LAMA2: variants seen among roughly 807,000 people sequenced by gnomAD.
The protein encoded by LAMA2 is laminin subunit alpha-2.
Under a neutral mutation model 364.8 loss-of-function variants are expected in LAMA2, and 269 were observed. That is an observed-to-expected ratio of 0.74 (90% CI 0.67 to 0.82). LAMA2 has a LOEUF of 0.82. LAMA2 is among the 40% of genes least tolerant of loss of function. The pLI, the probability that LAMA2 is intolerant of heterozygous loss-of-function variation, is 0.00. For missense variants in LAMA2, 3,807 were observed against 3,873.2 expected (o/e 0.98, Z 0.45); for synonymous variants, 1,379 against 1,370.6 (o/e 1.01, Z -0.14).
At chr6:129,271,757 G>A (rs893186776) in intron 17 of LAMA2, among the ~76,000 whole-genome samples, 2 of 152,020 alleles carry the variant, frequency 1.3e-5, no homozygotes, top group African/African-American at 4.8e-5. Context: ...GCTATCTCTA[G>A]GCACTGTGAC....
Position 129,402,336 on chromosome 6 carries a change from A to G in LAMA2, c.5575A>G (p.Ile1859Val). ...INSIIDYVED[I>V]QTKLPPMSEE... Reference sequence around the variant, plus strand: ...CTCTACATATCAGTATGTTGAAGACATCCAAACTAAATTGCCACCTATGTC... The same window carrying G: ...CTCTACATATCAGTATGTTGAAGACGTCCAAACTAAATTGCCACCTATGTC... The change falls in exon 39 of 65, where the codon ATC becomes GTC. Residue 1859 changes from isoleucine (I) to valine (V), a missense_variant. This residue lies in a region of LAMA2 where 3,333 missense variants were observed against 3,345.7 expected (regional missense o/e 1.00). Transcript: ENST00000421865. 11 of 1,613,812 alleles carry G rather than the reference A, an allele frequency of 6.8e-6. No individual in the cohort carries two copies. Among genetic ancestry groups the G allele is most frequent in the Non-Finnish European group, 8.5e-6 (10 of 1,179,802 alleles).
At chr6:129,054,632 A>G (rs1788338803) in intron 2 of LAMA2, among the ~76,000 whole-genome samples, 1 of 150,104 alleles carries the variant, frequency 6.7e-6, no homozygotes, top group Non-Finnish European at 1.5e-5. Context: ...ATACTTATGT[A>G]TTTATTAAAT....
At chr6:129,471,090 T>A (rs1783789209) in intron 51 of LAMA2, among the ~76,000 whole-genome samples, 1 of 151,930 alleles carries the variant, frequency 6.6e-6, no homozygotes, top group Non-Finnish European at 1.5e-5. Context: ...AAGTCCCTAC[T>A]CTGTGTCTAT....
At chr6:129,115,458 C>A (rs879466531) in intron 4 of LAMA2, among the ~76,000 whole-genome samples, 2 of 152,012 alleles carry the variant, frequency 1.3e-5, no homozygotes, top group African/African-American at 2.4e-5. Flanking sequence ...ATATAGAATA[C>A]TTCTGTAAGA....
intron 34 of LAMA2, among the ~76,000 whole-genome samples, chr6:129,370,527 AT>A (rs956457770): frequency 9.2e-5 from 14 of 152,226 alleles, no homozygotes; most frequent in African/African-American, 2.7e-4. Flanking sequence ...GAAATTTTAA[AT>A]TTTCAAAACT....
intron 3 of LAMA2, among the ~76,000 whole-genome samples, chr6:129,091,698 T>C (rs1342299298): frequency 6.6e-6 from 1 of 152,212 alleles, no homozygotes; most frequent in Non-Finnish European, 1.5e-5. Flanking sequence ...GGCAAGCTCC[T>C]CCTGAACTCC....
chr6:129,158,650 T>C lies in LAMA2; in HGVS notation c.1206+3967T>C, dbSNP rs1779268190. The C allele has an allele frequency of 5.0e-6, 8 of 1,614,104 alleles. No homozygotes were observed. In the Admixed American group the frequency reaches 5.0e-5, roughly 10 times the overall value. ...GCAATTATGCAGACAGCCATAGAAA[T>C]GAGCAAAACCAGCCATCGAATGCTG... On this transcript the variant is annotated intron_variant, in intron 8 of 64. Coordinates refer to ENST00000421865, the MANE Select transcript of LAMA2 (RefSeq NM_000426.4).
At chr6:129,484,615 A>G (rs1296637721) in intron 55 of LAMA2, among the ~76,000 whole-genome samples, 3 of 152,208 alleles carry the variant, frequency 2.0e-5, no homozygotes. Context: ...TTATAACTAA[A>G]TATAACAACA....
chr6:129,172,651 G>T (rs1780268552), intron 9 of LAMA2, among the ~76,000 whole-genome samples: 1 of 152,228 alleles, frequency 6.6e-6, no homozygotes, highest in Non-Finnish European at 1.5e-5. Context: ...GCCCCCAGAG[G>T]TGGAGCCTAC....
chr6:128,927,179 C>T (rs773872834), intron 1 of LAMA2, among the ~76,000 whole-genome samples: 6 of 152,122 alleles, frequency 3.9e-5, no homozygotes, highest in Non-Finnish European at 7.4e-5. Context: ...CACCACTCTC[C>T]CTCCTCTCTT....
At chr6:129,007,335 G>A (rs1013325354) in intron 1 of LAMA2, among the ~76,000 whole-genome samples, 8 of 152,250 alleles carry the variant, frequency 5.3e-5, no homozygotes, top group African/African-American at 1.9e-4. Context: ...GGAAAACAGG[G>A]ACTCTGTCTG....
chr6:129,125,123 A>T (rs1777035561), intron 4 of LAMA2, among the ~76,000 whole-genome samples: 1 of 152,206 alleles, frequency 6.6e-6, no homozygotes, highest in South Asian at 2.1e-4. Flanking sequence ...AGGTGTGAGA[A>T]TGAGATGGCT....
intron 28 of LAMA2, among the ~76,000 whole-genome samples, chr6:129,327,591 C>T (rs1357669364): frequency 2.0e-5 from 3 of 152,182 alleles, no homozygotes; most frequent in African/African-American, 7.2e-5. Flanking sequence ...GGACTACCTT[C>T]CAGAAAGCCA....
intron 1 of LAMA2, among the ~76,000 whole-genome samples, chr6:129,021,234 G>A (rs1426244472): frequency 2.0e-5 from 3 of 152,020 alleles, no homozygotes; most frequent in African/African-American, 7.2e-5. Context: ...TATGAACCGG[G>A]CAAAATGTTG....
chr6:129,163,697 T>G (rs1779577286), intron 8 of LAMA2, among the ~76,000 whole-genome samples: 1 of 152,254 alleles, frequency 6.6e-6, no homozygotes, highest in Admixed American at 6.5e-5. Context: ...AATAGTATCA[T>G]GTTTGAGAAA....
At chr6:129,129,139 T>C (rs921682145) in intron 4 of LAMA2, among the ~76,000 whole-genome samples, 4 of 152,200 alleles carry the variant, frequency 2.6e-5, no homozygotes, top group African/African-American at 9.7e-5. Flanking sequence ...ATTTTTGTGA[T>C]CTAATTTCCT....
intron 1 of LAMA2, among the ~76,000 whole-genome samples, chr6:128,918,089 T>G (rs1582673885): frequency 6.6e-6 from 1 of 152,158 alleles, no homozygotes; most frequent in Non-Finnish European, 1.5e-5. Context: ...AAACTCGTTG[T>G]TATAAAGTGG....
At chr6:129,068,876 T>C (rs1303566716) in intron 3 of LAMA2, among the ~76,000 whole-genome samples, 1 of 152,106 alleles carries the variant, frequency 6.6e-6, no homozygotes, top group Non-Finnish European at 1.5e-5. Flanking sequence ...TTTTTCCTCA[T>C]AGAACAAAAG....
At chr6:129,192,966 T>C (rs757817669) in intron 12 of LAMA2, 113 bp downstream of exon 12, 1 of 1,131,920 alleles carries the variant, frequency 8.8e-7, no homozygotes, top group African/African-American at 1.5e-5. Context: ...CTGAATTGGA[T>C]TGCCAGAACC....
Sources: allele counts gnomAD v4.1 joint callset (sites outside exome capture counted in the v4.1 genomes callset), GRCh38; gene constraint gnomAD v4.1.1; regional missense constraint gnomAD v4.1.1; transcripts MANE v1.5; gene names NCBI Gene and HGNC (gene_info 2026-07-23, HGNC 2026-07-21).